Variants in THSD4 observed in about 807,000 individuals in gnomAD.
THSD4 encodes the protein thrombospondin type-1 domain-containing protein 4.
A neutral mutation model predicts 119.0 loss-of-function variants in THSD4; 69 were observed. The observed-to-expected ratio is 0.58, with a 90% CI of 0.48 to 0.71. The LOEUF (loss-of-function observed/expected upper bound fraction) is 0.71. Ranked by LOEUF, THSD4 falls within the 30% of genes least tolerant of loss-of-function variation. THSD4 has a pLI of 0.00. For synonymous variants in THSD4, 524 were observed against 540.4 expected (o/e 0.97, Z 0.42); for missense variants, 1,393 against 1,391.1 (o/e 1.00, Z -0.02).
At chr15:71,110,914 G>A (rs548563040), upstream of THSD4, 123 of 544,970 alleles carry the variant, frequency 2.3e-4, no homozygotes, top group East Asian at 1.5e-3. Flanking sequence ...GGCGTATGCC[G>A]TAGATCTCCA....
intron 6 of THSD4, among the ~76,000 whole-genome samples, chr15:71,327,368 C>T (rs2045359910): frequency 6.6e-6 from 1 of 152,204 alleles, no homozygotes; most frequent in Non-Finnish European, 1.5e-5. Flanking sequence ...CCACCAGGTT[C>T]TGGAACCTCC....
intron 7 of THSD4, among the ~76,000 whole-genome samples, chr15:71,630,938 A>G (rs1486202413): frequency 6.6e-6 from 1 of 152,154 alleles, no homozygotes; most frequent in Admixed American, 6.6e-5. Flanking sequence ...TGTGCGTTGT[A>G]GGATGTTTAG....
chr15:71,658,211 A>G (rs1003802903), intron 7 of THSD4, among the ~76,000 whole-genome samples: 1 of 152,166 alleles, frequency 6.6e-6, no homozygotes, highest in Non-Finnish European at 1.5e-5. Flanking sequence ...ATGAAAATCT[A>G]ATTCTTCAAT....
chr15:71,270,370 A>G (rs2044514242), intron 6 of THSD4, among the ~76,000 whole-genome samples: 9 of 152,214 alleles, frequency 5.9e-5, no homozygotes, highest in Admixed American at 5.9e-4. Context: ...CTATTTAATA[A>G]ATGGTGTTGA....
At chr15:71,199,447 G>GA (rs2043748377) in intron 3 of THSD4, among the ~76,000 whole-genome samples, 1 of 147,604 alleles carries the variant, frequency 6.8e-6, no homozygotes. Context: ...AACTGTGTGT[G>GA]TGTGTGGGGG....
At chr15:71,597,290 A>G (rs138042351) in intron 7 of THSD4, among the ~76,000 whole-genome samples, 47 of 152,278 alleles carry the variant, frequency 3.1e-4, no homozygotes, top group African/African-American at 1.1e-3. Context: ...GAAACTGACA[A>G]TTGGACTCTT....
At chr15:71,586,302 C>A (rs182989532) in intron 7 of THSD4, among the ~76,000 whole-genome samples, 10 of 152,234 alleles carry the variant, frequency 6.6e-5, no homozygotes, top group Non-Finnish European at 1.3e-4. Context: ...TGTTTTATGT[C>A]ACAATTTCTA....
At chr15:71,160,983 A>G (rs1196379601) in intron 3 of THSD4, among the ~76,000 whole-genome samples, 1 of 152,042 alleles carries the variant, frequency 6.6e-6, no homozygotes, top group Non-Finnish European at 1.5e-5. Context: ...CAAGGAAATT[A>G]AAATTTCCCT....
At chr15:71,603,387 C>G (rs1013954375) in intron 7 of THSD4, among the ~76,000 whole-genome samples, 4 of 152,212 alleles carry the variant, frequency 2.6e-5, no homozygotes, top group Non-Finnish European at 5.9e-5. Flanking sequence ...GCACACAGCA[C>G]GAACTTCCCG....
Position 71,691,322 on chromosome 15 carries a change from A to G in THSD4, c.1357+30588A>G, listed in dbSNP as rs548919227. On this transcript the variant is annotated intron_variant, in intron 8 of 17. Coordinates refer to ENST00000261862, the MANE Select transcript of THSD4 (RefSeq NM_024817.3). ...TATGTTGCTTTAAGCCACTAAGTGA[A>G]TGGTGATTTGTTACAACAGCAAATA... 6.0e-4 allele frequency among the ~76,000 whole-genome samples: 92 copies of G among 152,352 alleles called. 1 individual carries two copies. The highest frequency in any genetic ancestry group is 2.1e-3 in the African/African-American group (86 of 41,578).
intron 7 of THSD4, among the ~76,000 whole-genome samples, chr15:71,441,543 G>GCACA (rs2047091159): frequency 6.7e-6 from 1 of 149,688 alleles, no homozygotes; most frequent in Non-Finnish European, 1.5e-5. Context: ...CTACAGGTGT[G>GCACA]CGCCACCACA....
Position 71,488,465 on chromosome 15 carries a change from C to A in THSD4, c.1152+76642C>A, listed in dbSNP as rs375657731. On this transcript the variant is annotated intron_variant, in intron 7 of 17. Coordinates refer to ENST00000261862, the MANE Select transcript of THSD4 (RefSeq NM_024817.3). ...AGACGTTTCCATTCTATCCTGTGCT[C>A]TAGAATAGTTTAAATAAGTTTGAGA... 7.2e-5 allele frequency among the ~76,000 whole-genome samples: 11 copies of A among 152,240 alleles called. No individual in the cohort carries two copies. The East Asian group carries it at 2.1e-3, about 29-fold the overall frequency.
chr15:71,676,796 C>T (rs1468529755), intron 8 of THSD4, among the ~76,000 whole-genome samples: 1 of 152,124 alleles, frequency 6.6e-6, no homozygotes, highest in Non-Finnish European at 1.5e-5. Context: ...GTAATATGCA[C>T]CAGAATTTCA....
chr15:71,186,106 A>G (rs2043599278), intron 3 of THSD4: 1 of 152,208 alleles, frequency 6.6e-6, no homozygotes, highest in Non-Finnish European at 1.5e-5. Flanking sequence ...CAAAGACAAC[A>G]TTTCTAAGCT....
chr15:71,181,048 C>T lies in THSD4; in HGVS notation c.99+26116C>T, dbSNP rs1040370195. Among the ~76,000 whole-genome samples the T allele has an allele frequency of 3.3e-5, 5 of 152,064 alleles. No individual in the cohort carries two copies. The East Asian group carries it at 9.6e-4, about 29-fold the overall frequency. ...GTGTGAGATTGTCCCTTGGGAGTGA[C>T]CAGAAAACAAAGATGCTCTTTAAAG... On this transcript the variant is annotated intron_variant, in intron 3 of 17. Transcript: ENST00000261862.
intron 7 of THSD4, among the ~76,000 whole-genome samples, chr15:71,553,661 G>A (rs1023854097): frequency 1.3e-5 from 2 of 152,138 alleles, no homozygotes; most frequent in African/African-American, 4.8e-5. Flanking sequence ...TCATCACTAA[G>A]TATGATACCT....
chr15:71,564,095 A>G (rs1397583499), intron 7 of THSD4, among the ~76,000 whole-genome samples: 1 of 152,240 alleles, frequency 6.6e-6, no homozygotes. Flanking sequence ...TTCACAATTT[A>G]TAAAATTGGA....
rs755565785 is a variant in THSD4, at chr15:71,758,032, C to A, written c.2546C>A (p.Pro849His). The change falls in exon 15 of 18, where the codon CCC becomes CAC. Residue 849 changes from proline to histidine, a missense_variant. Transcript: ENST00000261862. The part of the protein sequence containing the change: ...PAEATPCDNG[P>H]CTGKVEWFAG... ...GAGGCCACCCCATGTGACAACGGAC[C>A]CTGCACGGGCAAGGTGGAGTGGTTT... is the stretch of plus-strand genomic sequence containing the variant. The A allele has an allele frequency of 8.7e-6, 14 of 1,608,186 alleles. No homozygotes were observed. The Admixed American group carries it at 2.4e-4, about 27-fold the overall frequency.
intron 7 of THSD4, among the ~76,000 whole-genome samples, chr15:71,548,959 A>G (rs1449158346): frequency 6.6e-6 from 1 of 152,234 alleles, no homozygotes; most frequent in Non-Finnish European, 1.5e-5. Flanking sequence ...AACAGCAAGC[A>G]AAGGGCAGGC....
Sources: gnomAD v4.1 joint callset for allele counts (sites outside exome capture counted in the v4.1 genomes callset) on GRCh38, gnomAD v4.1.1 for gene constraint, MANE v1.5 for transcripts, NCBI Gene and HGNC (gene_info 2026-07-23, HGNC 2026-07-21) for gene names.